The following MAP2 variants were observed in gnomAD, a reference collection of about 807,000 sequenced individuals.
MAP2 encodes microtubule associated protein 2.
A neutral mutation model predicts 137.6 loss-of-function variants in MAP2; 14 were observed. The ratio of observed to expected loss-of-function variants is 0.10; its 90% CI spans 0.07 to 0.16. The LOEUF is 0.16. MAP2 is among the 10% of genes least tolerant of loss of function. MAP2 has a pLI of 1.00. For synonymous variants in MAP2, 786 were observed against 782.3 expected (o/e 1.00, Z -0.08); for missense variants, 2,088 against 2,191.5 (o/e 0.95, Z 0.94).
chr2:209,687,841 C>T (rs1217332819), intron 7 of MAP2, among the ~76,000 whole-genome samples: 1 of 152,086 alleles, frequency 6.6e-6, no homozygotes, highest in African/African-American at 2.4e-5. Context: ...TGATGATGAC[C>T]CTTACAATTC....
intron 5 of MAP2, chr2:209,661,685 A>AT (rs761557091): frequency 1.7e-5 from 17 of 985,290 alleles, no homozygotes; most frequent in African/African-American, 3.5e-5. Flanking sequence ...CGAGGTTTGT[A>AT]TTGTCACGTT....
intron 1 of MAP2, among the ~76,000 whole-genome samples, chr2:209,489,192 G>A (rs2058771601): frequency 6.6e-6 from 1 of 152,214 alleles, no homozygotes; most frequent in East Asian, 1.9e-4. Context: ...ACCTGCAGAA[G>A]AGGGACCTGA....
At chr2:209,433,698 T>C (rs1402935912) in intron 1 of MAP2, among the ~76,000 whole-genome samples, 1 of 152,118 alleles carries the variant, frequency 6.6e-6, no homozygotes, top group Non-Finnish European at 1.5e-5. Flanking sequence ...CAGAAATCAA[T>C]GGTGGAAACA....
chr2:209,461,511 A>C (rs1472105924), intron 1 of MAP2, among the ~76,000 whole-genome samples: 1 of 152,016 alleles, frequency 6.6e-6, no homozygotes, highest in Non-Finnish European at 1.5e-5. Context: ...ACTGCAGTGC[A>C]ATGGCACAAT....
rs1176251953 is a variant in MAP2 at position 209,593,874 on chromosome 2, TA to T, written c.-107+13779del. On this transcript the variant is annotated intron_variant, in intron 3 of 15. Transcript: ENST00000682079. ...TATTATAAAATATATATTTATATTA[TA>T]AAAATATATTTATATTATTAAAATA... is the stretch of plus-strand genomic sequence containing the variant. Among the ~76,000 whole-genome samples the T allele has an allele frequency of 6.3e-3, 660 of 104,268 alleles. 10 individuals carry two copies. Among genetic ancestry groups the T allele is most frequent in the Admixed American group, 0.024 (163 of 6,748 alleles). The allele number at this position is 104,268 out of a possible 152,430, so 68.4% of individuals were successfully genotyped here. A position where few individuals can be genotyped will look rare whatever the true frequency, so the allele number is the denominator to read the frequency against.
At chr2:209,452,612 A>G (rs1356681445) in intron 1 of MAP2, among the ~76,000 whole-genome samples, 1 of 152,208 alleles carries the variant, frequency 6.6e-6, no homozygotes, top group Non-Finnish European at 1.5e-5. Flanking sequence ...ATTAGAATAA[A>G]ACCATATTAA....
chr2:209,702,376 A>G (rs1049262075), intron 11 of MAP2, among the ~76,000 whole-genome samples: 1 of 151,632 alleles, frequency 6.6e-6, no homozygotes, highest in Non-Finnish European at 1.5e-5. Flanking sequence ...TCCTTGTTCT[A>G]TAAGTTTTCT....
intron 1 of MAP2, among the ~76,000 whole-genome samples, chr2:209,448,460 G>T (rs1042313069): frequency 5.3e-5 from 8 of 152,124 alleles, no homozygotes; most frequent in African/African-American, 1.7e-4. Flanking sequence ...TCACTTGGTT[G>T]TGTTAATTTC....
chr2:209,467,112 A>C (rs995488870), intron 1 of MAP2, among the ~76,000 whole-genome samples: 1 of 152,154 alleles, frequency 6.6e-6, no homozygotes, highest in Non-Finnish European at 1.5e-5. Flanking sequence ...ACAGAGCAAA[A>C]GCTTTCTCTC....
At chr2:209,466,855 C>T (rs6738311) in intron 1 of MAP2, among the ~76,000 whole-genome samples, 152,291 of 152,348 alleles carry the variant, frequency 1, 76,117 homozygotes, top group Non-Finnish European at 1. Flanking sequence ...AGCTACCTGG[C>T]TCTCACTGGA....
rs114664408 is a variant in MAP2 at position 209,587,383 on chromosome 2, G to A, written c.-107+7283G>A. ...ACTTCAGGAAAGCATTTTTTTTTCC[G>A]TTGAAATCATCTCTTTGTGGTGGAC... On this transcript the variant is annotated intron_variant, in intron 3 of 15. Transcript: ENST00000682079. 7.2e-3 allele frequency among the ~76,000 whole-genome samples: 1,095 copies of A among 151,602 alleles called. 5 individuals are homozygous for A. Among genetic ancestry groups the A allele is most frequent in the Non-Finnish European group, 0.011 (757 of 67,864 alleles).
chr2:209,640,049 A>T (rs1430767716), intron 4 of MAP2, among the ~76,000 whole-genome samples: 2 of 152,160 alleles, frequency 1.3e-5, no homozygotes, highest in African/African-American at 4.8e-5. Context: ...ACAAAAATGT[A>T]GGATTTGGTC....
chr2:209,542,081 A>G (rs2067149991), intron 2 of MAP2, among the ~76,000 whole-genome samples: 1 of 152,228 alleles, frequency 6.6e-6, no homozygotes, highest in Admixed American at 6.5e-5. Flanking sequence ...ATAAGACGTG[A>G]AAGTCAAAAT....
At chr2:209,627,516 C>A (rs1017322786) in intron 4 of MAP2, among the ~76,000 whole-genome samples, 3 of 152,076 alleles carry the variant, frequency 2.0e-5, no homozygotes, top group Non-Finnish European at 4.4e-5. Context: ...GCAAATAAGG[C>A]CCAAATACCT....
chr2:209,463,989 C>G (rs1703508917), intron 1 of MAP2, among the ~76,000 whole-genome samples: 1 of 152,104 alleles, frequency 6.6e-6, no homozygotes, highest in South Asian at 2.1e-4. Flanking sequence ...TCTGAGACAT[C>G]TAATTATAAA....
chr2:209,580,640 G>A (rs534190563), intron 3 of MAP2, among the ~76,000 whole-genome samples: 10 of 152,240 alleles, frequency 6.6e-5, no homozygotes, highest in Non-Finnish European at 1.2e-4. Context: ...TTTAAAGGCC[G>A]AGGTTGTTAG....
At chr2:209,494,469 C>T (rs2059508680) in intron 1 of MAP2, among the ~76,000 whole-genome samples, 2 of 149,728 alleles carry the variant, frequency 1.3e-5, no homozygotes, top group Admixed American at 1.3e-4. Flanking sequence ...CCACTGAAAC[C>T]AAGATGGTTA....
chr2:209,679,176 T>G (rs2053342882), intron 6 of MAP2, among the ~76,000 whole-genome samples: 1 of 152,082 alleles, frequency 6.6e-6, no homozygotes, highest in Non-Finnish European at 1.5e-5. Context: ...TATGAAGTAC[T>G]GAACTTCACT....
At chr2:209,681,798 G>C (rs2054685025) in intron 7 of MAP2, among the ~76,000 whole-genome samples, 1 of 151,686 alleles carries the variant, frequency 6.6e-6, no homozygotes, top group African/African-American at 2.4e-5. Context: ...TTGTAATTAG[G>C]TTCATTTAAA....
Sources: allele counts gnomAD v4.1 joint callset (sites outside exome capture counted in the v4.1 genomes callset), GRCh38; gene constraint gnomAD v4.1.1; transcripts MANE v1.5; gene names NCBI Gene and HGNC (gene_info 2026-07-23, HGNC 2026-07-21).